The following SVIL variants were observed in gnomAD, a reference collection of about 807,000 sequenced individuals.
SVIL encodes supervillin.
A neutral mutation model predicts 240.4 loss-of-function variants in SVIL; 101 were observed. The ratio of observed to expected loss-of-function variants is 0.42; its 90% confidence interval spans 0.36 to 0.50. The LOEUF (loss-of-function observed/expected upper bound fraction) is 0.50, where lower values mean the gene tolerates loss of function less well. Among genes scored for constraint, SVIL ranks in the 20% least tolerant of loss-of-function variants. The pLI, the probability that SVIL is intolerant of heterozygous loss-of-function variation, is 0.01. For missense variants in SVIL, 2,512 were observed against 2,818.7 expected, an observed-to-expected ratio of 0.89 and a Z score of 2.46; for synonymous variants, 999 against 1,100.0, an observed-to-expected ratio of 0.91 and a Z score of 1.82.
At chr10:29,508,643 C>A (rs1589040093) in intron 17 of SVIL, 2 of 344,046 alleles carry the variant, frequency 5.8e-6, no homozygotes, top group Non-Finnish European at 1.2e-5. Context: ...CATTCTCCTG[C>A]ACTATGATCT....
chr10:29,633,145 G>A (rs943636083), intron 1 of SVIL, among the ~76,000 whole-genome samples: 1 of 151,542 alleles, frequency 6.6e-6, no homozygotes, highest in Non-Finnish European at 1.5e-5. Flanking sequence ...TTGAGGCAAG[G>A]AGAGTCACTT....
chr10:29,691,198 T>C (rs535210689), intron 1 of SVIL, among the ~76,000 whole-genome samples: 89 of 152,058 alleles, frequency 5.9e-4, no homozygotes, highest in African/African-American at 2.0e-3. Context: ...GTAAAGTATG[T>C]TGGATAATGA....
intron 2 of SVIL, among the ~76,000 whole-genome samples, 153 bp from the exon 3 acceptor site, chr10:29,563,445 G>C (rs1954691331): frequency 6.6e-6 from 1 of 152,118 alleles, no homozygotes; most frequent in Non-Finnish European, 1.5e-5. Flanking sequence ...GAGTAAATTG[G>C]TAACTTTTTT....
upstream of SVIL, among the ~76,000 whole-genome samples, chr10:29,639,292 C>T (rs1371533006): frequency 6.6e-6 from 1 of 152,110 alleles, no homozygotes; most frequent in East Asian, 1.9e-4. Flanking sequence ...CTGCCTCAGC[C>T]TCCGGAGTAG....
chr10:29,551,423 T>C (rs544837069), intron 5 of SVIL, among the ~76,000 whole-genome samples, 160 bp from the exon 6 acceptor site: 1 of 152,348 alleles, frequency 6.6e-6, no homozygotes, highest in Admixed American at 6.5e-5. Context: ...ATTATTTACC[T>C]GGGCTGTTGA....
chr10:29,604,340 C>T (rs2132850154), intron 1 of SVIL, among the ~76,000 whole-genome samples: 1 of 135,784 alleles, frequency 7.4e-6, no homozygotes. Context: ...GCTGGGATTA[C>T]AGGCATGTGC....
At position 29,551,099 on chromosome 10, in the gene SVIL, T is replaced by G. The variant is rs1164426027; in HGVS notation, c.325A>C (p.Lys109Gln). 1 of 1,614,186 alleles carries G rather than the reference T, an allele frequency of 6.2e-7. No homozygotes were observed. The highest frequency in any genetic ancestry group is 1.3e-5 in the African/African-American group (1 of 75,028). The stretch of plus-strand genomic sequence containing the variant: ...GCCAGCTGTCGCCTTCTTTCTGCTT[T>G]GTACCTTGCAATTCTTTCGGCTTTG... ...ESKAERIARY[K>Q]AERRRQLAEK... The change falls in exon 6 of 38, where the codon AAA becomes CAA. Residue 109 changes from lysine (K) to glutamine (Q), a missense_variant. By Grantham distance (53) the Lys-to-Gln change is moderately conservative. Transcript: ENST00000355867.
chr10:29,653,549 A>T (rs1009207374), intron 3 of SVIL, among the ~76,000 whole-genome samples: 1 of 152,162 alleles, frequency 6.6e-6, no homozygotes, highest in South Asian at 2.1e-4. Flanking sequence ...TTTGCTGCAC[A>T]AAGTTTTCTA....
At chr10:29,642,072 C>T (rs1433352508) in intron 3 of SVIL, among the ~76,000 whole-genome samples, 1 of 152,088 alleles carries the variant, frequency 6.6e-6, no homozygotes, top group Non-Finnish European at 1.5e-5. Flanking sequence ...GTTCTCTCTG[C>T]TCAGAATGCC....
chr10:29,630,933 G>C (rs559347561), intron 1 of SVIL, among the ~76,000 whole-genome samples: 1 of 152,094 alleles, frequency 6.6e-6, no homozygotes, highest in African/African-American at 2.4e-5. Context: ...CCCTGGGGGT[G>C]GTAAGAGAAG....
Position 29,518,870 on chromosome 10 carries a change from CA to C in SVIL, c.3389+3539del, listed in dbSNP as rs571776997. ...GACTCCATCTCAAAAAACAAACAAA[CA>C]GACAAAAATTAAATGAGAGATCATG... On this transcript the variant is annotated intron_variant, in intron 16 of 37. Transcript: ENST00000355867. Among the ~76,000 whole-genome samples, 648 of 152,202 alleles carry C rather than the reference CA, an allele frequency of 4.3e-3. 3 individuals are homozygous for C. Among genetic ancestry groups the C allele is most frequent in the African/African-American group, 0.015 (628 of 41,536 alleles).
intron 6 of SVIL, among the ~76,000 whole-genome samples, chr10:29,543,629 A>G (rs878976267): frequency 1.3e-5 from 2 of 151,936 alleles, no homozygotes; most frequent in African/African-American, 4.8e-5. Flanking sequence ...TCTTGCCTAC[A>G]TGATCCTGTT....
intron 1 of SVIL, among the ~76,000 whole-genome samples, chr10:29,622,013 G>T (rs938592116): frequency 6.6e-6 from 1 of 151,882 alleles, no homozygotes; most frequent in Non-Finnish European, 1.5e-5. Flanking sequence ...CACTTTGGGA[G>T]GCCGAGGCGG....
In SVIL at chr10:29,523,705, T is replaced by A. The variant is rs373054743; in HGVS notation, c.2909A>T (p.Glu970Val). 3.1e-4 allele frequency: 506 copies of A among 1,614,068 alleles called. No individual in the cohort carries two copies. Among genetic ancestry groups the A allele is most frequent in the Non-Finnish European group, 4.2e-4 (494 of 1,180,024 alleles). Residue 970 changes from glutamate to valine, a missense_variant, in exon 15 of 38, where the codon GAG (glutamate) becomes GTG (valine). Glu to Val is a moderately radical substitution (Grantham distance 121, BLOSUM62 -2). Around this residue, in one of 3 missense-constraint regions of SVIL, gnomAD observed 1,443 missense variants for 1,486.6 expected, o/e 0.97. Coordinates refer to ENST00000355867, the MANE Select transcript of SVIL (RefSeq NM_021738.3). ...GATGGGGTAGGATGCTTCTGCTTCC[T>A]CAAAGGACCCATACTTCTCCATCCC... ...DSGMEKYGSFEEAEASYPILN... is the reference protein window; with the variant it reads ...DSGMEKYGSFVEAEASYPILN...
chr10:29,670,605 G>A (rs569722484), intron 2 of SVIL, among the ~76,000 whole-genome samples: 3 of 152,240 alleles, frequency 2.0e-5, no homozygotes, highest in Admixed American at 6.5e-5. Flanking sequence ...AGCATTTATC[G>A]GCTTTATAGA....
At chr10:29,710,557 A>G (rs1963206192) in intron 1 of SVIL, among the ~76,000 whole-genome samples, 1 of 152,236 alleles carries the variant, frequency 6.6e-6, no homozygotes, top group African/African-American at 2.4e-5. Context: ...AAATTACTAT[A>G]TAATTGTATT....
intron 1 of SVIL, among the ~76,000 whole-genome samples, chr10:29,596,786 C>A (rs1956608362): frequency 6.6e-6 from 1 of 152,364 alleles, no homozygotes; most frequent in South Asian, 2.1e-4. Context: ...TCACTGCATG[C>A]AGAATGCTTT....
chr10:29,535,402 ACT>A (rs1332343093), intron 7 of SVIL, among the ~76,000 whole-genome samples: 9 of 151,982 alleles, frequency 5.9e-5, no homozygotes, highest in South Asian at 2.1e-4. Flanking sequence ...ACTGTCAGAA[ACT>A]CTGTGTGTGG....
chr10:29,707,627 A>G (rs1962981827), intron 1 of SVIL, among the ~76,000 whole-genome samples: 2 of 152,194 alleles, frequency 1.3e-5, no homozygotes, highest in Admixed American at 1.3e-4. Context: ...GTGGTAATTA[A>G]TAAGACCAAA....
Sources: allele counts gnomAD v4.1 joint callset (sites outside exome capture counted in the v4.1 genomes callset), GRCh38; gene constraint gnomAD v4.1.1; regional missense constraint gnomAD v4.1.1; transcripts MANE v1.5; gene names NCBI Gene and HGNC (gene_info 2026-07-23, HGNC 2026-07-21).